Variants in MYSM1 observed in about 807,000 individuals in gnomAD.
MYSM1 encodes the protein Myb like, SWIRM and MPN domains 1.
Under a neutral mutation model 116.0 loss-of-function variants are expected in MYSM1, and 51 were observed. The ratio of observed to expected loss-of-function variants is 0.44; its 90% CI spans 0.35 to 0.56. MYSM1 has a LOEUF of 0.56. Ranked by LOEUF, MYSM1 falls within the 20% of genes least tolerant of loss-of-function variation. The probability of loss-of-function intolerance (pLI) is 0.00; values close to 1 mark genes in which losing one functional copy is unlikely to be tolerated. For missense variants in MYSM1, 900 were observed against 974.9 expected, an observed-to-expected ratio of 0.92 and a Z score of 1.02; for synonymous variants, 313 against 315.2, an observed-to-expected ratio of 0.99 and a Z score of 0.07.
Position 58,680,523 on chromosome 1 carries a change from T to A in MYSM1, c.1259+1262A>T, listed in dbSNP as rs4912371. ...TTCAGCACCTCCACCATCTGTAAGA[T>A]AACTCAAGAACAAACCTCCTCCTTT... On this transcript the variant is annotated intron_variant, in intron 8 of 19. Transcript: ENST00000472487. Among the ~76,000 whole-genome samples, 3 of 152,170 alleles carry A rather than the reference T, an allele frequency of 2.0e-5. No individual in the cohort carries two copies. In the South Asian group the frequency reaches 6.2e-4, roughly 32 times the overall value.
intron 1 of MYSM1, among the ~76,000 whole-genome samples, chr1:58,695,907 T>C (rs72676791): frequency 0.064 from 9,811 of 152,286 alleles, 406 homozygotes; most frequent in Non-Finnish European, 0.097. Context: ...TGAGTAAGTT[T>C]TGGGGGGCTC....
intron 6 of MYSM1, among the ~76,000 whole-genome samples, 190 bp from the exon 7 acceptor site, chr1:58,685,441 A>T (rs1198723665): frequency 3.3e-5 from 5 of 152,150 alleles, no homozygotes; most frequent in Non-Finnish European, 7.4e-5. Flanking sequence ...TTGGAATCTG[A>T]ACTACTGAAA....
At chr1:58,690,680 ATTTTTTT>A (rs35937590) in intron 3 of MYSM1, among the ~76,000 whole-genome samples, 1 of 137,792 alleles carries the variant, frequency 7.3e-6, no homozygotes, top group African/African-American at 2.7e-5. Flanking sequence ...TTATTTTGTG[ATTTTTTT>A]TTTTTTTTTT....
intron 17 of MYSM1, among the ~76,000 whole-genome samples, chr1:58,662,952 A>G (rs756259117): frequency 6.6e-6 from 1 of 152,164 alleles, no homozygotes; most frequent in Non-Finnish European, 1.5e-5. Context: ...CCATCTATAT[A>G]ATGATAACCA....
At chr1:58,696,474 A>T (rs1644975949) in intron 1 of MYSM1, among the ~76,000 whole-genome samples, 1 of 152,196 alleles carries the variant, frequency 6.6e-6, no homozygotes, top group South Asian at 2.1e-4. Context: ...CCATCTCCGT[A>T]GTTATCCAAG....
chr1:58,669,092 A>G, intron 12 of MYSM1, 54 bp from the exon 13 acceptor site: 2 of 1,287,562 alleles, frequency 1.6e-6, no homozygotes, highest in South Asian at 2.7e-5. Flanking sequence ...GGAAAATAAC[A>G]TTTATTTGTA....
In MYSM1 at chr1:58,681,991, A is replaced by G. The variant is rs1284750854; in HGVS notation, c.1053T>C (p.Asn351=). The change falls in exon 8 of 20, where the codon AAT becomes AAC. Residue 351 remains asparagine, a synonymous_variant. Transcript: ENST00000472487. Reference sequence around the variant, plus strand: ...AAGAATGAAAAAGCATTTCATTATCATTCAAATTTTTCTGAATTTCACAAG... The same window carrying G: ...AAGAATGAAAAAGCATTTCATTATCGTTCAAATTTTTCTGAATTTCACAAG... ...PEPCEIQKNL[N]DNEMLFHSCQ... is the part of the protein sequence containing the mutation. The G allele has an allele frequency of 2.5e-6, 4 of 1,614,102 alleles. No individual in the cohort carries two copies. The highest frequency in any genetic ancestry group is 2.2e-5 in the East Asian group (1 of 44,860).
Position 58,655,152 on chromosome 1 carries a change from A to G in MYSM1, c.*4845T>C, listed in dbSNP as rs1470372889. ...TGTCAAATCCACAAATCTAAAAGAT[A>G]TATGACTAATCTATTTAACTCACGC... On this transcript the variant is annotated 3_prime_UTR_variant, in exon 20 of 20. Transcript: ENST00000472487. The G allele has an allele frequency of 6.6e-6, 1 of 152,220 alleles. No homozygotes were observed. The allele number at this position is 152,220 out of a possible 1,614,324, so 9.4% of individuals were successfully genotyped here.
At chr1:58,689,142 A>G in intron 5 of MYSM1, 26 bp from the exon 6 acceptor site, 1 of 1,567,746 alleles carries the variant, frequency 6.4e-7, no homozygotes, top group Non-Finnish European at 8.6e-7. Flanking sequence ...GGAATTGCAA[A>G]AAAAATTTCT....
At position 58,661,246 on chromosome 1, in the gene MYSM1, A is replaced by C. The variant is rs2100585639; in HGVS notation, c.2271-19T>G. 1.2e-6 allele frequency: 2 copies of C among 1,602,950 alleles called. No homozygotes were observed. Among genetic ancestry groups the C allele is most frequent in the Non-Finnish European group, 1.7e-6 (2 of 1,170,138 alleles). ...GACGCTGCTGTAGGAAGAAATATGA[A>C]AACAAACTGGTGAAACGAATACTAT... On this transcript the variant is annotated intron_variant, in intron 18 of 19. Coordinates refer to ENST00000472487, the MANE Select transcript of MYSM1 (RefSeq NM_001085487.3).
At chr1:58,668,518 G>A in intron 14 of MYSM1, 114 bp downstream of exon 14, 3 of 1,387,654 alleles carry the variant, frequency 2.2e-6, no homozygotes, top group South Asian at 1.8e-5. Context: ...CCTTGTAAAA[G>A]AGGACAGTTA....
chr1:58,693,880 C>T (rs940091219), intron 2 of MYSM1, among the ~76,000 whole-genome samples: 2 of 152,060 alleles, frequency 1.3e-5, no homozygotes, highest in Non-Finnish European at 2.9e-5. Context: ...AAATGTAAAC[C>T]CTTTAGCATA....
chr1:58,696,662 C>A (rs1246171937), intron 1 of MYSM1, among the ~76,000 whole-genome samples: 1 of 152,168 alleles, frequency 6.6e-6, no homozygotes, highest in Admixed American at 6.6e-5. Flanking sequence ...AGCTGACAAA[C>A]CATTCACCTC....
chr1:58,655,262 A>G lies in MYSM1; in HGVS notation c.*4735T>C, dbSNP rs951779217. The G allele has an allele frequency of 1.6e-4, 24 of 152,214 alleles. No individual in the cohort carries two copies. Among genetic ancestry groups the G allele is most frequent in the African/African-American group, 5.8e-4 (24 of 41,468 alleles). 9.4% of individuals were successfully genotyped at this position (152,214 alleles called of 1,614,324 possible). On this transcript the variant is annotated 3_prime_UTR_variant, in exon 20 of 20. Transcript: ENST00000472487. The stretch of plus-strand genomic sequence containing the variant: ...TGAAACAGGAATATAAACTATGAAA[A>G]CATATTTAACTGACTTCTTAAGAGA...
At chr1:58,694,494 G>A (rs1042760727) in intron 2 of MYSM1, among the ~76,000 whole-genome samples, 7 of 152,064 alleles carry the variant, frequency 4.6e-5, no homozygotes, top group Admixed American at 3.9e-4. Flanking sequence ...GGTGGCACAC[G>A]CCTGTAGTCC....
intron 8 of MYSM1, among the ~76,000 whole-genome samples, chr1:58,678,328 G>A (rs1485299109): frequency 6.6e-6 from 1 of 152,096 alleles, no homozygotes; most frequent in Non-Finnish European, 1.5e-5. Context: ...AAGCAATAAA[G>A]CAGGCAAGAG....
At chr1:58,695,553 T>C (rs1469067136) in intron 1 of MYSM1, among the ~76,000 whole-genome samples, 1 of 152,154 alleles carries the variant, frequency 6.6e-6, no homozygotes, top group Non-Finnish European at 1.5e-5. Context: ...TTCAGCTGAT[T>C]AGTACCAGTA....
Position 58,677,043 on chromosome 1 carries a change from G to T in MYSM1, c.1273C>A (p.Pro425Thr). The T allele has an allele frequency of 6.2e-7, 1 of 1,602,830 alleles. No homozygotes were observed. The highest frequency in any genetic ancestry group is 8.5e-7 in the Non-Finnish European group (1 of 1,174,814). ...ACTGAGGTCTTATTTAAGTATTTTG[G>T]TTTGCATATCTCCCTAATTAAGAGA... ...YILDQWEICK[P>T]KYLNKTSVRP... Residue 425 changes from proline to threonine, a missense_variant, in exon 9 of 20, where the codon CCA becomes ACA. By Grantham distance (38) the Pro-to-Thr change is conservative. Around this residue, in one of 3 missense-constraint regions of MYSM1, gnomAD observed 622 missense variants for 623.7 expected, o/e 1.00. Transcript: ENST00000472487.
chr1:58,688,266 A>C (rs1209990080), intron 6 of MYSM1, among the ~76,000 whole-genome samples: 1 of 151,878 alleles, frequency 6.6e-6, no homozygotes, highest in Admixed American at 6.6e-5. Context: ...TAGAAATGTT[A>C]ATGATACTTC....
Sources: allele counts gnomAD v4.1 joint callset (sites outside exome capture counted in the v4.1 genomes callset), GRCh38; gene constraint gnomAD v4.1.1; regional missense constraint gnomAD v4.1.1; transcripts MANE v1.5; gene names NCBI Gene and HGNC (gene_info 2026-07-23, HGNC 2026-07-21).